CCDC134: variants seen among roughly 807,000 people sequenced by gnomAD.
CCDC134 encodes the protein coiled-coil domain containing 134, also known as coiled-coil domain-containing protein 134.
Under a neutral mutation model 25.6 loss-of-function variants are expected in CCDC134, and 27 were observed. The ratio of observed to expected loss-of-function variants is 1.05; its 90% CI spans 0.78 to 1.45. The LOEUF is 1.45. Ranked by LOEUF, CCDC134 falls within the 40% of genes most tolerant of loss-of-function variation. The pLI is 0.00. For missense variants in CCDC134, 261 were observed against 286.7 expected, an observed-to-expected ratio of 0.91 and a Z score of 0.65; for synonymous variants, 110 against 115.0, an observed-to-expected ratio of 0.96 and a Z score of 0.28.
intron 4 of CCDC134, among the ~76,000 whole-genome samples, chr22:41,810,553 T>C (rs962831055): frequency 1.4e-5 from 2 of 140,914 alleles, no homozygotes; most frequent in African/African-American, 5.4e-5. Flanking sequence ...TGGAGTACAG[T>C]GGTGTGATCT....
In CCDC134 at chr22:41,825,932, G is replaced by T. The variant is rs1006846385; in HGVS notation, c.*109G>T. The T allele has an allele frequency of 6.7e-7, 1 of 1,486,436 alleles. No homozygotes were observed. Among genetic ancestry groups the T allele is most frequent in the African/African-American group, 1.4e-5 (1 of 71,374 alleles). The allele number at this position is 1,486,436 out of a possible 1,614,324, so 92.1% of individuals were successfully genotyped here. On this transcript the variant is annotated 3_prime_UTR_variant, in exon 7 of 7. Coordinates refer to ENST00000255784, the MANE Select transcript of CCDC134 (RefSeq NM_024821.5). The surrounding 1 kb of genome is among the most constrained non-coding windows in gnomAD (Gnocchi z 4.4). ...CACCAGCTAGCCCCTTCCAGAAGGG[G>T]AGGCCACATTTGCCCGGCCCCCTGG...
intron 6 of CCDC134, among the ~76,000 whole-genome samples, chr22:41,816,385 A>T (rs1370877349): frequency 6.6e-6 from 1 of 152,228 alleles, no homozygotes; most frequent in Non-Finnish European, 1.5e-5. Context: ...TGTCTGCACA[A>T]GGTCACTGTT....
chr22:41,813,209 G>T, intron 4 of CCDC134, 55 bp from the exon 5 acceptor site: 1 of 1,583,986 alleles, frequency 6.3e-7, no homozygotes, highest in Non-Finnish European at 8.7e-7. Context: ...CCAGGGGCCA[G>T]TGAGGCAGCC....
intron 1 of CCDC134, among the ~76,000 whole-genome samples, chr22:41,803,234 G>A (rs1163664356): frequency 6.6e-6 from 1 of 152,174 alleles, no homozygotes; most frequent in Non-Finnish European, 1.5e-5. Context: ...CTGCACTCCA[G>A]CGTGGGTGAC....
At chr22:41,806,901 G>T (rs998342840) in intron 1 of CCDC134, among the ~76,000 whole-genome samples, 1 of 152,066 alleles carries the variant, frequency 6.6e-6, no homozygotes, top group Non-Finnish European at 1.5e-5. Context: ...ACAAAAATTA[G>T]CTGTGTGTGG....
chr22:41,824,199 G>GC, intron 6 of CCDC134, among the ~76,000 whole-genome samples: 1 of 152,294 alleles, frequency 6.6e-6, no homozygotes. Flanking sequence ...GGGAGTCAGG[G>GC]CAGGTCTAGA....
intron 6 of CCDC134, among the ~76,000 whole-genome samples, chr22:41,819,998 T>TAC (rs1556020965): frequency 7.7e-6 from 1 of 130,102 alleles, no homozygotes; most frequent in African/African-American, 3.1e-5. Flanking sequence ...TATATATATA[T>TAC]AATTTTTTTT....
rs67246997 is a variant in CCDC134, at chr22:41,830,884, C to CTTTTTTTTTTTTTTTTTTTTTTT, written c.*5083_*5084insTTTTTTTTTTTTTTTTTTTTTTT. ...AGATCCTTATTTTTTCTTTTCTTTT[C>CTTTTTTTTTTTTTTTTTTTTTTT]TTTTTTTTTTTTTTTTTTTTTTGAG... On this transcript the variant is annotated 3_prime_UTR_variant, in exon 7 of 7. Transcript: ENST00000255784. 3.4e-5 allele frequency among the ~76,000 whole-genome samples: 4 copies of CTTTTTTTTTTTTTTTTTTTTTTT among 117,292 alleles called. No individual in the cohort carries two copies. Among genetic ancestry groups the CTTTTTTTTTTTTTTTTTTTTTTT allele is most frequent in the Non-Finnish European group, 5.0e-5 (3 of 60,478 alleles). The allele number at this position is 117,292 out of a possible 152,430, so 76.9% of individuals were successfully genotyped here. A position where few individuals can be genotyped will look rare whatever the true frequency, so the allele number is the denominator to read the frequency against.
intron 6 of CCDC134, among the ~76,000 whole-genome samples, chr22:41,818,136 A>G (rs142738930): frequency 6.6e-6 from 1 of 152,344 alleles, no homozygotes; most frequent in African/African-American, 2.4e-5. Flanking sequence ...AAGGTGCATC[A>G]GGCAAAGTCC....
intron 1 of CCDC134, among the ~76,000 whole-genome samples, chr22:41,805,062 C>A (rs1429985418): frequency 6.6e-6 from 1 of 152,062 alleles, no homozygotes; most frequent in African/African-American, 2.4e-5. Context: ...GAGTGAGACT[C>A]TGTCTCAAAA....
chr22:41,818,944 G>A (rs2076635402), intron 6 of CCDC134, among the ~76,000 whole-genome samples: 2 of 152,214 alleles, frequency 1.3e-5, no homozygotes, highest in African/African-American at 4.8e-5. Context: ...AACGCAGGAG[G>A]AGGGTGACAG....
chr22:41,819,989 AT>A (rs1240235384), intron 6 of CCDC134, among the ~76,000 whole-genome samples: 55 of 131,728 alleles, frequency 4.2e-4, no homozygotes, highest in African/African-American at 1.6e-3. Flanking sequence ...ATATATATAT[AT>A]ATATATATAA....
rs1358568004 is a variant in CCDC134, at chr22:41,817,735, T to TAAAC, written c.564+3916_564+3917insCAAA. 4.4e-3 allele frequency among the ~76,000 whole-genome samples: 413 copies of TAAAC among 92,996 alleles called. 1 individual carries two copies. The highest frequency in any genetic ancestry group is 0.017 in the African/African-American group (405 of 24,522). 61.0% of individuals were successfully genotyped at this position (92,996 alleles called of 152,430 possible). On this transcript the variant is annotated intron_variant, in intron 6 of 6. Coordinates refer to ENST00000255784, the MANE Select transcript of CCDC134 (RefSeq NM_024821.5). The stretch of plus-strand genomic sequence containing the variant: ...CAACAGAGCAAGACTCTGTCTTAAA[T>TAAAC]AAATAAATAAATAAATAAATAAATA...
In CCDC134 at chr22:41,830,699, C is replaced by T. The variant is rs571712891; in HGVS notation, c.*4876C>T. Among the ~76,000 whole-genome samples, 3 of 152,112 alleles carry T rather than the reference C, an allele frequency of 2.0e-5. No homozygotes were observed. Among genetic ancestry groups the T allele is most frequent in the Admixed American group, 6.5e-5 (1 of 15,276 alleles). On this transcript the variant is annotated 3_prime_UTR_variant, in exon 7 of 7. Transcript: ENST00000255784. The stretch of plus-strand genomic sequence containing the variant: ...CTATCTATTTCTCATTAGTTATACA[C>T]GTTCATTATAAAACGTAATTTAAGC...
chr22:41,812,521 A>G (rs539456708), intron 4 of CCDC134, among the ~76,000 whole-genome samples: 59 of 151,946 alleles, frequency 3.9e-4, no homozygotes, highest in Non-Finnish European at 7.1e-4. Flanking sequence ...TTTCAGGCCG[A>G]GTGCAGTGGC....
intron 4 of CCDC134, among the ~76,000 whole-genome samples, chr22:41,811,366 C>G (rs926788438): frequency 1.3e-5 from 2 of 152,166 alleles, no homozygotes; most frequent in Non-Finnish European, 2.9e-5. Context: ...TCTCTACACC[C>G]AACCTCCAGA....
intron 6 of CCDC134, among the ~76,000 whole-genome samples, chr22:41,815,641 G>A (rs1297535642): frequency 6.6e-6 from 1 of 151,960 alleles, no homozygotes; most frequent in Non-Finnish European, 1.5e-5. Flanking sequence ...AGCAGGGTAA[G>A]GCCAACCTAC....
intron 6 of CCDC134, among the ~76,000 whole-genome samples, chr22:41,820,037 G>A (rs1177786507): frequency 1.5e-5 from 2 of 135,662 alleles, no homozygotes; most frequent in Non-Finnish European, 3.1e-5. Flanking sequence ...CTCTGTCCAC[G>A]CAGGCTGGAG....
intron 1 of CCDC134, among the ~76,000 whole-genome samples, chr22:41,804,082 G>C (rs1041992008): frequency 6.6e-6 from 1 of 151,712 alleles, no homozygotes; most frequent in Non-Finnish European, 1.5e-5. Flanking sequence ...TCATTGAGCC[G>C]AGATTGCACC....
Sources: allele counts gnomAD v4.1 joint callset (sites outside exome capture counted in the v4.1 genomes callset), GRCh38; gene constraint gnomAD v4.1.1; non-coding constraint Gnocchi (gnomAD v3.1); transcripts MANE v1.5; gene names NCBI Gene and HGNC (gene_info 2026-07-23, HGNC 2026-07-21).